The following RAPGEF5 variants were observed in gnomAD, a reference collection of about 807,000 sequenced individuals.
The protein encoded by RAPGEF5 is Rap guanine nucleotide exchange factor 5.
RAPGEF5 carries 65 observed loss-of-function variants against 125.2 expected under a neutral mutation model. The observed-to-expected ratio is 0.52, with a 90% CI of 0.43 to 0.64. The LOEUF (loss-of-function observed/expected upper bound fraction) is 0.64, where lower values mean the gene tolerates loss of function less well. Among genes scored for constraint, RAPGEF5 ranks in the 30% least tolerant of loss-of-function variants. The probability of loss-of-function intolerance (pLI) is 0.00; values close to 1 mark genes in which losing one functional copy is unlikely to be tolerated. For synonymous variants in RAPGEF5, 391 were observed against 385.9 expected, an observed-to-expected ratio of 1.01 and a Z score of -0.16; for missense variants, 958 against 1,048.1, an observed-to-expected ratio of 0.91 and a Z score of 1.19.
intron 1 of RAPGEF5, among the ~76,000 whole-genome samples, chr7:22,341,337 C>A (rs1023101324): frequency 1.3e-5 from 2 of 152,190 alleles, no homozygotes; most frequent in Non-Finnish European, 2.9e-5. Flanking sequence ...TTACCTCCCA[C>A]CGGGTTCCTC....
chr7:22,183,574 G>C (rs539891714), intron 11 of RAPGEF5, among the ~76,000 whole-genome samples: 1 of 152,238 alleles, frequency 6.6e-6, no homozygotes, highest in East Asian at 1.9e-4. Flanking sequence ...AGGATAAAAA[G>C]AAAACAACAT....
intron 14 of RAPGEF5, 142 bp from the exon 15 acceptor site, chr7:22,158,027 T>A (rs1783867543): frequency 5.5e-6 from 4 of 724,326 alleles, no homozygotes; most frequent in Non-Finnish European, 6.9e-6. Context: ...ATTAATTCAC[T>A]ATGTACAACA....
In RAPGEF5 at chr7:22,150,445, G is replaced by A. The variant is rs1188996774; in HGVS notation, c.1846C>T (p.Arg616Ter). Residue 616 changes from arginine (R) to a stop codon, truncating the protein, a stop_gained, in exon 18 of 26, where the codon CGA becomes TGA. Coordinates refer to ENST00000665637, the MANE Select transcript of RAPGEF5 (RefSeq NM_012294.5). LOFTEE classifies it high-confidence loss of function. ...VISKSLEASG[R>*]IYVYRKDLAD... ...AGGTCTTTCCGGTAGACATATATTC[G>A]ACCAGATGCCTCGAGGGATTTGGAG... 3.7e-6 allele frequency: 6 copies of A among 1,603,498 alleles called. No homozygotes were observed. Among genetic ancestry groups the A allele is most frequent in the Non-Finnish European group, 4.3e-6 (5 of 1,176,134 alleles).
intron 24 of RAPGEF5, among the ~76,000 whole-genome samples, chr7:22,127,127 TC>T (rs1782773802): frequency 6.9e-6 from 1 of 145,662 alleles, no homozygotes; most frequent in African/African-American, 2.5e-5. Context: ...CACCCTCTAC[TC>T]CCCAGGTTCA....
At chr7:22,310,171 T>G in intron 3 of RAPGEF5, 81 bp from the exon 4 acceptor site, 1 of 1,308,848 alleles carries the variant, frequency 7.6e-7, no homozygotes, top group South Asian at 2.5e-5. Flanking sequence ...TATAATACCT[T>G]TCCTTTCATG....
chr7:22,310,947 C>T (rs1006917227), intron 3 of RAPGEF5, among the ~76,000 whole-genome samples: 1 of 151,986 alleles, frequency 6.6e-6, no homozygotes, highest in African/African-American at 2.4e-5. Context: ...AGGGGGAAAA[C>T]AAAAAGAAAA....
At chr7:22,203,341 A>C (rs1044886410) in intron 9 of RAPGEF5, among the ~76,000 whole-genome samples, 1 of 152,142 alleles carries the variant, frequency 6.6e-6, no homozygotes, top group African/African-American at 2.4e-5. Context: ...CCAAAAACTA[A>C]AAGAAGGGAG....
intron 3 of RAPGEF5, 148 bp from the exon 4 acceptor site, chr7:22,310,238 T>C (rs774391021): frequency 2.3e-5 from 19 of 832,994 alleles, no homozygotes; most frequent in Non-Finnish European, 3.1e-5. Context: ...CTCTTATTCA[T>C]CTTTCAGATT....
rs1356022556 is a variant in RAPGEF5, at chr7:22,146,822, C to T, written c.2007+75G>A. 4.0e-6 allele frequency: 6 copies of T among 1,502,366 alleles called. No homozygotes were observed. The East Asian group carries it at 9.2e-5, about 23-fold the overall frequency. 93.1% of individuals were successfully genotyped at this position (1,502,366 alleles called of 1,614,324 possible). A position where few individuals can be genotyped will look rare whatever the true frequency, so the allele number is the denominator to read the frequency against. On this transcript the variant is annotated intron_variant, in intron 19 of 25. Transcript: ENST00000665637. Reference sequence around the variant, plus strand: ...TTATTCTAGCATAATTTCATCACCGCACGCATTGATATTCTTCACAAAGAA... The same window carrying T: ...TTATTCTAGCATAATTTCATCACCGTACGCATTGATATTCTTCACAAAGAA...
chr7:22,239,961 C>T (rs944747329), intron 7 of RAPGEF5, among the ~76,000 whole-genome samples: 6 of 151,906 alleles, frequency 3.9e-5, no homozygotes, highest in Non-Finnish European at 8.8e-5. Flanking sequence ...GTAATCCCAG[C>T]ACTTTGGGAG....
Position 22,254,391 on chromosome 7 carries a change from C to T in RAPGEF5, c.796+12573G>A, listed in dbSNP as rs113425638. Among the ~76,000 whole-genome samples the T allele has an allele frequency of 3.2e-4, 49 of 151,626 alleles. 1 individual carries two copies. The highest frequency in any genetic ancestry group is 1.2e-3 in the African/African-American group (49 of 41,346). Reference sequence around the variant, plus strand: ...TGGGAGGACGAGGCGGGCGGATCACCTGAGGTGGGATGTTTGAGACCAGCC... The same window carrying T: ...TGGGAGGACGAGGCGGGCGGATCACTTGAGGTGGGATGTTTGAGACCAGCC... On this transcript the variant is annotated intron_variant, in intron 7 of 25. Transcript: ENST00000665637.
chr7:22,127,040 C>CTTTT (rs11460551), intron 24 of RAPGEF5, among the ~76,000 whole-genome samples: 2 of 132,844 alleles, frequency 1.5e-5, no homozygotes, highest in Non-Finnish European at 1.6e-5. Flanking sequence ...CAAAAGTCTT[C>CTTTT]TTTTTTTTTT....
intron 2 of RAPGEF5, among the ~76,000 whole-genome samples, chr7:22,315,751 A>G (rs1013020465): frequency 4.0e-5 from 6 of 151,834 alleles, no homozygotes; most frequent in Non-Finnish European, 7.4e-5. Context: ...TACAGTTATA[A>G]ATAATTTTCT....
chr7:22,210,903 G>C (rs1785494198), intron 9 of RAPGEF5, among the ~76,000 whole-genome samples: 1 of 152,024 alleles, frequency 6.6e-6, no homozygotes, highest in Non-Finnish European at 1.5e-5. Flanking sequence ...GATCTCTTCA[G>C]ACCAAAACAA....
intron 6 of RAPGEF5, among the ~76,000 whole-genome samples, chr7:22,275,074 A>G (rs1315037549): frequency 6.6e-6 from 1 of 151,850 alleles, no homozygotes; most frequent in Admixed American, 6.6e-5. Flanking sequence ...CTTTTCACAT[A>G]TTCTGTCTGG....
At position 22,154,476 on chromosome 7, in the gene RAPGEF5, C is replaced by T; in HGVS notation, c.1765G>A (p.Val589Met). The change falls in exon 17 of 26, where the codon GTG becomes ATG. Residue 589 changes from valine (V) to methionine (M), a missense_variant. Coordinates refer to ENST00000665637, the MANE Select transcript of RAPGEF5 (RefSeq NM_012294.5). ...TTACCCCCAGAGAATGTGATGGCCA[C>T]CAGAGCCAGATCCTCTTCTGCATAC... is the stretch of plus-strand genomic sequence containing the variant. ...IQYAEEDLAL[V>M]AITFSGEKHE... 8.1e-6 allele frequency: 13 copies of T among 1,613,760 alleles called. No individual in the cohort carries two copies. Among genetic ancestry groups the T allele is most frequent in the Non-Finnish European group, 1.1e-5 (13 of 1,179,778 alleles).
At chr7:22,168,102 G>A (rs17709619) in intron 11 of RAPGEF5, among the ~76,000 whole-genome samples, 45,309 of 151,918 alleles carry the variant, frequency 0.3, 7,590 homozygotes, top group Non-Finnish European at 0.38. Flanking sequence ...CTTGTGTACT[G>A]TTGTTATGGA....
chr7:22,138,419 A>G (rs532277587), intron 21 of RAPGEF5, among the ~76,000 whole-genome samples: 1 of 152,276 alleles, frequency 6.6e-6, no homozygotes, highest in African/African-American at 2.4e-5. Flanking sequence ...CCTTTACCAA[A>G]GCAGTTTGCT....
intron 20 of RAPGEF5, among the ~76,000 whole-genome samples, chr7:22,144,291 T>A (rs773677137): frequency 6.6e-6 from 1 of 152,208 alleles, no homozygotes; most frequent in African/African-American, 2.4e-5. Flanking sequence ...AGAAATCCTA[T>A]ATAAACAGAT....
Sources: gnomAD v4.1 joint callset for allele counts (sites outside exome capture counted in the v4.1 genomes callset) on GRCh38, gnomAD v4.1.1 for gene constraint, MANE v1.5 for transcripts, NCBI Gene and HGNC (gene_info 2026-07-23, HGNC 2026-07-21) for gene names.